The following CPE variants were observed in gnomAD, a reference collection of about 807,000 sequenced individuals.
CPE encodes the protein carboxypeptidase E.
CPE carries 17 observed loss-of-function variants against 53.5 expected under a neutral mutation model. The observed-to-expected ratio is 0.32, with a 90% CI of 0.22 to 0.48. The LOEUF (loss-of-function observed/expected upper bound fraction) is 0.48. Among genes scored for constraint, CPE ranks in the 20% least tolerant of loss-of-function variants. The probability of loss-of-function intolerance (pLI) is 0.99; values close to 1 mark genes in which losing one functional copy is unlikely to be tolerated. For missense variants in CPE, 524 were observed against 614.7 expected (o/e 0.85, Z 1.56); for synonymous variants, 226 against 228.8 (o/e 0.99, Z 0.11).
intron 1 of CPE, among the ~76,000 whole-genome samples, chr4:165,397,156 A>G (rs757708416): frequency 2.9e-4 from 44 of 152,218 alleles, no homozygotes; most frequent in Non-Finnish European, 5.6e-4. Context: ...TAAAGTTTAA[A>G]GATGAAATAG....
rs1287198440 is a variant in CPE at position 165,426,626 on chromosome 4, A to G, written c.308-37764A>G. On this transcript the variant is annotated intron_variant, in intron 1 of 8. Transcript: ENST00000402744. ...CCTCCAATTATTTTAGAAGTAGGAAAAGGCAAATGTCTTTTGTGTCTGTTT... is the reference window on the plus strand; with the variant it reads ...CCTCCAATTATTTTAGAAGTAGGAAGAGGCAAATGTCTTTTGTGTCTGTTT... 3.9e-5 allele frequency among the ~76,000 whole-genome samples: 6 copies of G among 152,162 alleles called. No homozygotes were observed. The East Asian group carries it at 1.2e-3, about 29-fold the overall frequency.
chr4:165,401,891 A>T (rs1044273116), intron 1 of CPE, among the ~76,000 whole-genome samples: 1 of 152,134 alleles, frequency 6.6e-6, no homozygotes, highest in South Asian at 2.1e-4. Context: ...ATTAAGCCAG[A>T]TGTGTTTAAA....
rs1730471975 is a variant in CPE, at chr4:165,379,739, G to A, written c.307+211G>A. ...CCAGTGGCCCAATTTCTGCTTTCCC[G>A]TCCCATCCCCCCAGCACCAATCCCA... On this transcript the variant is annotated intron_variant, in intron 1 of 8. Transcript: ENST00000402744. The surrounding 1 kb of genome is among the most constrained non-coding windows in gnomAD (Gnocchi z 6.0). Among the ~76,000 whole-genome samples, 1 of 152,138 alleles carries A rather than the reference G, an allele frequency of 6.6e-6. No individual in the cohort carries two copies. The highest frequency in any genetic ancestry group is 6.5e-5 in the Admixed American group (1 of 15,286).
chr4:165,430,322 A>G (rs1731388164), intron 1 of CPE, among the ~76,000 whole-genome samples: 1 of 152,206 alleles, frequency 6.6e-6, no homozygotes, highest in Non-Finnish European at 1.5e-5. Context: ...TGCACAAAAA[A>G]TTTTCAAAGT....
At chr4:165,461,399 G>A (rs1368245684) in intron 1 of CPE, among the ~76,000 whole-genome samples, 1 of 151,958 alleles carries the variant, frequency 6.6e-6, no homozygotes, top group Admixed American at 6.6e-5. Flanking sequence ...GAGGCACCAC[G>A]CCAAACCACA....
At chr4:165,404,998 A>G in intron 1 of CPE, 1 of 746,442 alleles carries the variant, frequency 1.3e-6, no homozygotes, top group Non-Finnish European at 2.5e-6. Context: ...TGTGCTTAAA[A>G]CTAAGGAAGT....
intron 1 of CPE, among the ~76,000 whole-genome samples, chr4:165,383,809 A>G (rs1035814781): frequency 2.2e-4 from 34 of 152,238 alleles, no homozygotes; most frequent in African/African-American, 6.3e-4. Context: ...GGTTACAACT[A>G]AGTAACAACT....
intron 1 of CPE, among the ~76,000 whole-genome samples, chr4:165,453,871 T>TTCC (rs2126693793): frequency 6.6e-6 from 1 of 152,320 alleles, no homozygotes; most frequent in African/African-American, 2.4e-5. Flanking sequence ...AAGAAGGTAT[T>TTCC]TCCACCTTCA....
intron 8 of CPE, among the ~76,000 whole-genome samples, chr4:165,496,572 C>A: frequency 6.6e-6 from 1 of 152,012 alleles, no homozygotes; most frequent in Middle Eastern, 3.2e-3. Context: ...AATAATCAGG[C>A]GTTTAAGTGG....
chr4:165,462,293 G>A (rs111761040), intron 1 of CPE, among the ~76,000 whole-genome samples: 1,845 of 152,306 alleles, frequency 0.012, 23 homozygotes, highest in African/African-American at 0.042. Flanking sequence ...CTGGGGGCAA[G>A]TGTGGCTTAG....
chr4:165,397,892 A>AG (rs1370005576), intron 1 of CPE, among the ~76,000 whole-genome samples: 1 of 151,544 alleles, frequency 6.6e-6, no homozygotes, highest in Non-Finnish European at 1.5e-5. Context: ...AAAAAAAAAA[A>AG]GAAAGAAAAA....
intron 1 of CPE, chr4:165,404,169 C>T: frequency 1.3e-6 from 1 of 761,982 alleles, no homozygotes; most frequent in Admixed American, 1.7e-5. Flanking sequence ...AGCCGGTCCA[C>T]TATCTTCTGG....
chr4:165,404,439 G>T, intron 1 of CPE: 2 of 767,472 alleles, frequency 2.6e-6, no homozygotes, highest in Non-Finnish European at 4.9e-6. Context: ...ACACTCTCCT[G>T]ATAGATGGAA....
intron 3 of CPE, among the ~76,000 whole-genome samples, chr4:165,481,531 A>G (rs1732411786): frequency 6.6e-6 from 1 of 152,220 alleles, no homozygotes; most frequent in South Asian, 2.1e-4. Context: ...GCATAAAAGT[A>G]TCAAGCTTTT....
intron 1 of CPE, among the ~76,000 whole-genome samples, chr4:165,453,565 T>C (rs1481931193): frequency 6.6e-6 from 1 of 151,906 alleles, no homozygotes; most frequent in Admixed American, 6.6e-5. Flanking sequence ...TTAAATTTTT[T>C]GTAGAGACAG....
At chr4:165,478,500 C>A (rs1732342034) in intron 3 of CPE, among the ~76,000 whole-genome samples, 1 of 152,112 alleles carries the variant, frequency 6.6e-6, no homozygotes, top group African/African-American at 2.4e-5. Context: ...GTATTTAGGG[C>A]TGTATCTTTC....
chr4:165,387,028 A>C (rs1442429734), intron 1 of CPE, among the ~76,000 whole-genome samples: 1 of 152,184 alleles, frequency 6.6e-6, no homozygotes, highest in Non-Finnish European at 1.5e-5. Flanking sequence ...CTCATTAATT[A>C]CTGGAATTGC....
At chr4:165,435,552 A>G (rs912247375) in intron 1 of CPE, among the ~76,000 whole-genome samples, 1 of 152,210 alleles carries the variant, frequency 6.6e-6, no homozygotes, top group Non-Finnish European at 1.5e-5. Flanking sequence ...TTTCTGTGTA[A>G]TAAGTTAGTA....
intron 1 of CPE, chr4:165,386,189 A>G: frequency 2.0e-6 from 1 of 508,628 alleles, no homozygotes; most frequent in Non-Finnish European, 3.9e-6. Context: ...TTAATTCAAT[A>G]TGTGGCAACA....
Sources: allele counts gnomAD v4.1 joint callset (sites outside exome capture counted in the v4.1 genomes callset), GRCh38; gene constraint gnomAD v4.1.1; non-coding constraint Gnocchi (gnomAD v3.1); transcripts MANE v1.5; gene names NCBI Gene and HGNC (gene_info 2026-07-23, HGNC 2026-07-21).